ULK4: variants seen among roughly 807,000 people sequenced by gnomAD.
ULK4 encodes the protein unc-51 like kinase 4.
In ULK4, 133 loss-of-function variants were observed where a neutral mutation model predicts 160.6. The ratio of observed to expected loss-of-function variants is 0.83; its 90% CI spans 0.72 to 0.96. The LOEUF is 0.96. ULK4 is among the 40% of genes least tolerant of loss of function. ULK4 has a pLI of 0.00. For missense variants in ULK4, 1,580 were observed against 1,499.5 expected, an observed-to-expected ratio of 1.05 and a Z score of -0.89; for synonymous variants, 534 against 539.8, an observed-to-expected ratio of 0.99 and a Z score of 0.15.
chr3:41,911,497 A>T (rs1698783317), intron 10 of ULK4, 44 bp downstream of exon 10: 2 of 1,593,820 alleles, frequency 1.3e-6, no homozygotes, highest in Non-Finnish European at 1.7e-6. Context: ...GAACTCTCTC[A>T]AACAACATTC....
At chr3:41,493,870 C>G in intron 32 of ULK4, among the ~76,000 whole-genome samples, 1 of 146,224 alleles carries the variant, frequency 6.8e-6, no homozygotes. Context: ...CCTCCCAAGA[C>G]TAAACCAGGA....
chr3:41,844,028 T>C lies in ULK4; in HGVS notation c.1657-8057A>G, dbSNP rs563274608. Reference sequence around the variant, plus strand: ...CCCTGAGTTAGACACAGGGTGCTGATTGGTGTACTTACAATCCCTTAGCTA... The same window carrying C: ...CCCTGAGTTAGACACAGGGTGCTGACTGGTGTACTTACAATCCCTTAGCTA... On this transcript the variant is annotated intron_variant, in intron 17 of 36. Transcript: ENST00000301831. Among the ~76,000 whole-genome samples, 329 of 152,248 alleles carry C rather than the reference T, an allele frequency of 2.2e-3. 1 individual carries two copies. The highest frequency in any genetic ancestry group is 4.7e-3 in the Admixed American group (72 of 15,294).
chr3:41,447,862 G>T (rs961484942), intron 34 of ULK4, among the ~76,000 whole-genome samples: 1 of 152,170 alleles, frequency 6.6e-6, no homozygotes, highest in African/African-American at 2.4e-5. Flanking sequence ...ACCCTGCTAA[G>T]AAGAGGGCAA....
At chr3:41,938,542 C>T (rs757809675) in intron 2 of ULK4, among the ~76,000 whole-genome samples, 1 of 151,960 alleles carries the variant, frequency 6.6e-6, no homozygotes, top group East Asian at 1.9e-4. Context: ...ATTAGCGGGG[C>T]GTGGTGGCAC....
Position 41,723,983 on chromosome 3 carries a change from A to T in ULK4, c.2322-6122T>A, listed in dbSNP as rs143986713. ...AAGTTCACATTAAAAATGCCTGTAC[A>T]GATGATCTTAATGTAAAGCTCAAAG... On this transcript the variant is annotated intron_variant, in intron 22 of 36. Transcript: ENST00000301831. Among the ~76,000 whole-genome samples the T allele has an allele frequency of 8.1e-4, 123 of 152,372 alleles. 1 individual carries two copies. Among genetic ancestry groups the T allele is most frequent in the African/African-American group, 2.8e-3 (117 of 41,594 alleles).
chr3:41,718,354 G>A (rs929516051), intron 22 of ULK4, among the ~76,000 whole-genome samples: 20 of 152,140 alleles, frequency 1.3e-4, no homozygotes, highest in Non-Finnish European at 2.4e-4. Context: ...TGGCTTTTAC[G>A]TGTCTCTTTA....
At chr3:41,488,897 T>C (rs1575296940) in intron 32 of ULK4, among the ~76,000 whole-genome samples, 3 of 151,968 alleles carry the variant, frequency 2.0e-5, no homozygotes, top group Admixed American at 2.0e-4. Context: ...ATATAAAAAA[T>C]AGAGCTGAGA....
At chr3:41,377,086 C>T (rs567520205) in intron 35 of ULK4, among the ~76,000 whole-genome samples, 88 of 152,200 alleles carry the variant, frequency 5.8e-4, no homozygotes, top group African/African-American at 2.1e-3. Context: ...CTACAACTAT[C>T]TGATCTTTGA....
chr3:41,401,147 C>T (rs1190794792), intron 34 of ULK4, among the ~76,000 whole-genome samples: 9 of 152,052 alleles, frequency 5.9e-5, no homozygotes, highest in African/African-American at 1.9e-4. Context: ...TGATGAAGTC[C>T]AATTACTGGT....
At chr3:41,526,404 T>C (rs1384082751) in intron 32 of ULK4, among the ~76,000 whole-genome samples, 1 of 152,226 alleles carries the variant, frequency 6.6e-6, no homozygotes, top group East Asian at 1.9e-4. Context: ...GAGACCCATG[T>C]GGCCACAGCT....
intron 30 of ULK4, among the ~76,000 whole-genome samples, chr3:41,639,522 G>A (rs2034097503): frequency 6.6e-6 from 1 of 152,170 alleles, no homozygotes; most frequent in South Asian, 2.1e-4. Flanking sequence ...GAGGTCAGGA[G>A]TTCAAGACCA....
intron 35 of ULK4, among the ~76,000 whole-genome samples, chr3:41,364,729 T>C (rs568934140): frequency 2.6e-4 from 39 of 152,252 alleles, no homozygotes; most frequent in African/African-American, 8.7e-4. Flanking sequence ...CAAACACAAA[T>C]TGGAGTTCCA....
intron 22 of ULK4, among the ~76,000 whole-genome samples, chr3:41,722,830 C>A (rs2037522825): frequency 6.6e-6 from 1 of 152,126 alleles, no homozygotes; most frequent in Non-Finnish European, 1.5e-5. Context: ...CATCATCCTA[C>A]TAAAAGACAT....
At position 41,911,634 on chromosome 3, in the gene ULK4, G is replaced by A; in HGVS notation, c.922C>T (p.Pro308Ser). The change falls in exon 10 of 37, where the codon CCA becomes TCA. Residue 308 changes from proline (P) to serine (S), a missense_variant. Coordinates refer to ENST00000301831, the MANE Select transcript of ULK4 (RefSeq NM_017886.4). ...TGCAAAAGCTCCTTGGAATCTTGTG[G>A]CCCAGAACACTCCATAGTGTTTCTG... is the stretch of plus-strand genomic sequence containing the variant. ...LSRNTMECSG[P>S]QDSKELLQNS... The A allele has an allele frequency of 6.2e-7, 1 of 1,613,642 alleles. No homozygotes were observed. Among genetic ancestry groups the A allele is most frequent in the Non-Finnish European group, 8.5e-7 (1 of 1,179,988 alleles).
At chr3:41,618,673 C>T (rs1559436552) in intron 30 of ULK4, among the ~76,000 whole-genome samples, 1 of 152,054 alleles carries the variant, frequency 6.6e-6, no homozygotes, top group African/African-American at 2.4e-5. Context: ...CAAAAACACA[C>T]CAAAATATAA....
chr3:41,484,562 A>G (rs542533644), intron 32 of ULK4, among the ~76,000 whole-genome samples: 7 of 151,136 alleles, frequency 4.6e-5, no homozygotes, highest in Non-Finnish European at 1.0e-4. Context: ...ACGCCATTCT[A>G]CTGCCTCAGC....
chr3:41,552,386 T>C (rs1228585489), intron 32 of ULK4, among the ~76,000 whole-genome samples: 1 of 151,990 alleles, frequency 6.6e-6, no homozygotes, highest in Non-Finnish European at 1.5e-5. Context: ...CAAAAACCTC[T>C]TGGATCTGAT....
intron 34 of ULK4, among the ~76,000 whole-genome samples, chr3:41,401,606 T>C (rs2082180335): frequency 6.6e-6 from 1 of 152,144 alleles, no homozygotes; most frequent in Non-Finnish European, 1.5e-5. Context: ...ATGGCAACAA[T>C]GTGACAATGC....
At chr3:41,497,906 G>A (rs1291690887) in intron 32 of ULK4, among the ~76,000 whole-genome samples, 1 of 151,908 alleles carries the variant, frequency 6.6e-6, no homozygotes, top group Admixed American at 6.6e-5. Flanking sequence ...ATAATAATAT[G>A]TAAAGCAACA....
Sources: gnomAD v4.1 joint callset for allele counts (sites outside exome capture counted in the v4.1 genomes callset) on GRCh38, gnomAD v4.1.1 for gene constraint, MANE v1.5 for transcripts, NCBI Gene and HGNC (gene_info 2026-07-23, HGNC 2026-07-21) for gene names.